PTPRE: variants seen among roughly 807,000 people sequenced by gnomAD.
The protein encoded by PTPRE is protein tyrosine phosphatase receptor type E.
Under a neutral mutation model 102.0 loss-of-function variants are expected in PTPRE, and 51 were observed. The ratio of observed to expected loss-of-function variants is 0.50; its 90% confidence interval spans 0.40 to 0.63. The LOEUF (loss-of-function observed/expected upper bound fraction) is 0.63, where lower values mean the gene tolerates loss of function less well. PTPRE is among the 30% of genes least tolerant of loss of function. PTPRE has a pLI of 0.00. For synonymous variants in PTPRE, 345 were observed against 348.2 expected (o/e 0.99, Z 0.10); for missense variants, 752 against 915.1 (o/e 0.82, Z 2.30).
At chr10:127,963,542 C>T (rs551849331) in intron 1 of PTPRE, among the ~76,000 whole-genome samples, 17 of 152,290 alleles carry the variant, frequency 1.1e-4, no homozygotes, top group African/African-American at 4.1e-4. Flanking sequence ...ATAACATAGG[C>T]GTCTTTACAG....
At chr10:127,914,486 A>C (rs921719371) in intron 1 of PTPRE, among the ~76,000 whole-genome samples, 6 of 152,124 alleles carry the variant, frequency 3.9e-5, no homozygotes, top group African/African-American at 1.2e-4. Context: ...CTTTCAGAAA[A>C]AGGCTAGGTT....
chr10:127,915,211 C>CA (rs1429681580), intron 1 of PTPRE, among the ~76,000 whole-genome samples: 1 of 152,056 alleles, frequency 6.6e-6, no homozygotes, highest in Non-Finnish European at 1.5e-5. Context: ...GTCTACTTAT[C>CA]AAAAAAAGAA....
intron 19 of PTPRE, 139 bp downstream of exon 19, chr10:128,077,922 C>T: frequency 2.3e-6 from 2 of 860,052 alleles, no homozygotes; most frequent in Non-Finnish European, 3.4e-6. Context: ...CCTCTCCTTA[C>T]ACACATGCAC....
At chr10:128,051,275 G>A (rs961120096) in intron 6 of PTPRE, among the ~76,000 whole-genome samples, 2 of 152,180 alleles carry the variant, frequency 1.3e-5, no homozygotes, top group Non-Finnish European at 2.9e-5. Context: ...GAATAGGGTG[G>A]GGCAGGTGAG....
Position 128,085,529 on chromosome 10 carries a change from T to G in PTPRE, c.*2623T>G, listed in dbSNP as rs1852026417. ...GAATGCATACCAGTGTTTTAAAAGG[T>G]ATTTTTATGTGTTTTTAAACACTTT... On this transcript the variant is annotated 3_prime_UTR_variant, in exon 21 of 21. Coordinates refer to ENST00000254667, the MANE Select transcript of PTPRE (RefSeq NM_006504.6). 1 of 152,784 alleles carries G rather than the reference T, an allele frequency of 6.5e-6. No individual in the cohort carries two copies. The highest frequency in any genetic ancestry group is 1.5e-5 in the Non-Finnish European group (1 of 68,134). The allele number at this position is 152,784 out of a possible 1,614,324, so 9.5% of individuals were successfully genotyped here.
intron 2 of PTPRE, among the ~76,000 whole-genome samples, chr10:128,015,241 T>C (rs975343681): frequency 1.3e-5 from 2 of 152,112 alleles, no homozygotes; most frequent in African/African-American, 4.8e-5. Context: ...ACAACTCAAA[T>C]GTGTATCAAG....
In PTPRE at chr10:127,944,680, G is replaced by C. The variant is rs1432814217; in HGVS notation, c.-31+37371G>C. ...GGTCATTTGAGGAGATTGAGCAGGA[G>C]AGTGACAAATGGAACTGTGTATTTG... is the stretch of plus-strand genomic sequence containing the variant. On this transcript the variant is annotated intron_variant, in intron 1 of 20. Transcript: ENST00000254667. The surrounding 1 kb of genome is among the most constrained non-coding windows in gnomAD (Gnocchi z 4.2). Among the ~76,000 whole-genome samples, 2 of 152,220 alleles carry C rather than the reference G, an allele frequency of 1.3e-5. No individual in the cohort carries two copies. The highest frequency in any genetic ancestry group is 1.3e-4 in the Admixed American group (2 of 15,286).
At position 128,026,291 on chromosome 10, in the gene PTPRE, G is replaced by C. The variant is rs534716638; in HGVS notation, c.-7-14584G>C. On this transcript the variant is annotated intron_variant, in intron 2 of 20. Transcript: ENST00000254667. ...GTTCCAAGGCAAAGGGGCACTGCCT[G>C]TCTGGGCTACTGTCAGGGGAGGGTC... is the stretch of plus-strand genomic sequence containing the variant. Among the ~76,000 whole-genome samples, 5 of 152,272 alleles carry C rather than the reference G, an allele frequency of 3.3e-5. No individual in the cohort carries two copies. In the South Asian group the frequency reaches 1.0e-3, roughly 31 times the overall value.
intron 1 of PTPRE, among the ~76,000 whole-genome samples, chr10:127,937,449 C>G (rs181118851): frequency 6.6e-6 from 1 of 152,256 alleles, no homozygotes; most frequent in Non-Finnish European, 1.5e-5. Context: ...ATTACCCACA[C>G]CAGGGATGGC....
intron 1 of PTPRE, among the ~76,000 whole-genome samples, chr10:127,969,392 G>T (rs1030720355): frequency 6.6e-6 from 1 of 152,206 alleles, no homozygotes; most frequent in Non-Finnish European, 1.5e-5. Context: ...GATGGGCCAG[G>T]TGTGACAGCT....
At chr10:128,064,717 C>T (rs982485462) in intron 10 of PTPRE, among the ~76,000 whole-genome samples, 3 of 152,250 alleles carry the variant, frequency 2.0e-5, no homozygotes, top group African/African-American at 2.4e-5. Flanking sequence ...TTTTTCCACT[C>T]CTGTGACTCA....
chr10:127,950,257 G>A (rs1478342990), intron 1 of PTPRE, among the ~76,000 whole-genome samples: 1 of 152,148 alleles, frequency 6.6e-6, no homozygotes, highest in East Asian at 1.9e-4. Flanking sequence ...TATTGATATG[G>A]ACCCACTGAG....
chr10:127,967,436 G>A (rs1392572260), intron 1 of PTPRE, among the ~76,000 whole-genome samples: 3 of 151,986 alleles, frequency 2.0e-5, no homozygotes, highest in East Asian at 1.9e-4. Context: ...AAATTCTCAC[G>A]AGATCTGATG....
Position 128,020,984 on chromosome 10 carries a change from G to T in PTPRE, c.-7-19891G>T, listed in dbSNP as rs188351820. Among the ~76,000 whole-genome samples, 262 of 150,708 alleles carry T rather than the reference G, an allele frequency of 1.7e-3. 1 individual carries two copies. The highest frequency in any genetic ancestry group is 6.0e-3 in the African/African-American group (246 of 40,962). On this transcript the variant is annotated intron_variant, in intron 2 of 20. Transcript: ENST00000254667. ...GCAATCTCAGCTCACTGCAAGCTCC[G>T]CCTCCCAGGTTCACGCCATTCTGCC...
At chr10:128,054,880 C>T (rs974471151) in intron 6 of PTPRE, among the ~76,000 whole-genome samples, 6 of 152,236 alleles carry the variant, frequency 3.9e-5, no homozygotes, top group South Asian at 2.1e-4. Flanking sequence ...GTAGTTGCAG[C>T]GGGACCCCTC....
At chr10:128,025,158 C>CAAAAAAAAAAAAA (rs71472683) in intron 2 of PTPRE, among the ~76,000 whole-genome samples, 30 of 65,716 alleles carry the variant, frequency 4.6e-4, no homozygotes, top group East Asian at 1.4e-3. Context: ...GATCCTGTCT[C>CAAAAAAAAAAAAA]AAAAAAAAAA....
chr10:128,015,904 G>A (rs770833236), intron 2 of PTPRE, among the ~76,000 whole-genome samples: 15 of 152,160 alleles, frequency 9.9e-5, no homozygotes, highest in Non-Finnish European at 1.5e-4. Flanking sequence ...AATGGGCTGC[G>A]GTGCCCATGA....
In PTPRE at chr10:127,907,207, C is replaced by T; in HGVS notation, c.-133C>T. 2 of 969,886 alleles carry T rather than the reference C, an allele frequency of 2.1e-6. No individual in the cohort carries two copies. The highest frequency in any genetic ancestry group is 2.5e-6 in the Non-Finnish European group (2 of 816,282). The allele number at this position is 969,886 out of a possible 1,614,324, so 60.1% of individuals were successfully genotyped here. On this transcript the variant is annotated 5_prime_UTR_variant, in exon 1 of 21. Coordinates refer to ENST00000254667, the MANE Select transcript of PTPRE (RefSeq NM_006504.6). This position sits in a 1 kb window ranked among gnomAD's most constrained non-coding sequence, Gnocchi z 4.8. ...CGTCCCCGCGACCCTTCTTCGCGCC[C>T]GGCGAAGACAGCCGGGCGCCCCGGA...
intron 2 of PTPRE, among the ~76,000 whole-genome samples, chr10:127,984,863 C>T (rs1283554665): frequency 2.6e-5 from 4 of 152,194 alleles, no homozygotes; most frequent in Non-Finnish European, 1.5e-5. Flanking sequence ...TGTAAATTGC[C>T]CAGTCTTGGG....
Sources: allele counts gnomAD v4.1 joint callset (sites outside exome capture counted in the v4.1 genomes callset), GRCh38; gene constraint gnomAD v4.1.1; non-coding constraint Gnocchi (gnomAD v3.1); transcripts MANE v1.5; gene names NCBI Gene and HGNC (gene_info 2026-07-23, HGNC 2026-07-21).